Variants in AKAP7 observed in about 807,000 individuals in gnomAD.
AKAP7 encodes A kinase (PRKA) anchor protein 7.
Under a neutral mutation model 39.5 loss-of-function variants are expected in AKAP7, and 39 were observed. The ratio of observed to expected loss-of-function variants is 0.99; its 90% confidence interval spans 0.76 to 1.29. The LOEUF (loss-of-function observed/expected upper bound fraction) is 1.29. Among genes scored for constraint, AKAP7 ranks in the 50% most tolerant of loss-of-function variants. AKAP7 has a pLI of 0.00. For synonymous variants in AKAP7, 140 were observed against 139.1 expected (o/e 1.01, Z -0.05); for missense variants, 414 against 407.7 (o/e 1.02, Z -0.13).
intron 7 of AKAP7, among the ~76,000 whole-genome samples, chr6:131,267,675 C>A (rs1166694478): frequency 2.0e-5 from 3 of 152,184 alleles, no homozygotes; most frequent in African/African-American, 4.8e-5. Context: ...AACTCTCTCT[C>A]TTGTGGCATT....
chr6:131,174,857 G>A (rs1342232623), intron 5 of AKAP7, among the ~76,000 whole-genome samples: 3 of 151,658 alleles, frequency 2.0e-5, no homozygotes, highest in African/African-American at 7.3e-5. Flanking sequence ...AGGATAATTT[G>A]TAAAGAAAGT....
intron 5 of AKAP7, among the ~76,000 whole-genome samples, chr6:131,180,829 G>GT (rs869088113): frequency 7.3e-5 from 6 of 82,200 alleles, no homozygotes; most frequent in Non-Finnish European, 7.4e-5. Flanking sequence ...TTTTTTGTTT[G>GT]TTTTGTTTTT....
At chr6:131,162,237 A>G (rs2128239253) in intron 3 of AKAP7, among the ~76,000 whole-genome samples, 1 of 152,320 alleles carries the variant, frequency 6.6e-6, no homozygotes, top group Non-Finnish European at 1.5e-5. Context: ...TCCTTTCACC[A>G]CTAACTTCTA....
chr6:131,268,246 G>T (rs1377615092), intron 7 of AKAP7, among the ~76,000 whole-genome samples: 1 of 152,266 alleles, frequency 6.6e-6, no homozygotes, highest in South Asian at 2.1e-4. Flanking sequence ...ATATCTGCCT[G>T]GGGGTGGGTG....
rs138791897 is a variant in AKAP7, at chr6:131,259,483, G to A, written c.851-22047G>A. Among the ~76,000 whole-genome samples the A allele has an allele frequency of 4.8e-4, 73 of 152,276 alleles. 1 individual carries two copies. In the East Asian group the frequency reaches 6.2e-3, roughly 13 times the overall value. ...ATTTAGAGGGCTCTTTAATGTGGAA[G>A]CAAAAGAAGAGTTGTTTTGTATGGC... On this transcript the variant is annotated intron_variant, in intron 7 of 7. Coordinates refer to ENST00000431975, the MANE Select transcript of AKAP7 (RefSeq NM_016377.4).
At position 131,160,106 on chromosome 6, in the gene AKAP7, T is replaced by C. The variant is rs866761754; in HGVS notation, c.199T>C (p.Trp67Arg). The C allele has an allele frequency of 1.3e-6, 2 of 1,590,852 alleles. No homozygotes were observed. The highest frequency in any genetic ancestry group is 1.7e-4 in the Middle Eastern group (1 of 5,994). ...TTTGAAGAGAAGTCAAGAAAATGAA[T>C]GGGTCAAGAGTGATCAAGTAAAGAA... is the stretch of plus-strand genomic sequence containing the variant. ...INLKRSQENEWVKSDQVKKRK... is the reference protein window; with the variant it reads ...INLKRSQENERVKSDQVKKRK... The change falls in exon 3 of 8, where the codon TGG becomes CGG. Residue 67 changes from tryptophan (W) to arginine (R), a missense_variant. Physicochemically the swap from Trp to Arg is moderately radical, Grantham distance 101. Coordinates refer to ENST00000431975, the MANE Select transcript of AKAP7 (RefSeq NM_016377.4).
rs1346111671 is a variant in AKAP7, at chr6:131,282,400, C to G, written c.*674C>G. Reference sequence around the variant, plus strand: ...TATTATATAATTTTTTTTTCTTAGGCAAGAAACCTATTGGAATTCGAGACT... The same window carrying G: ...TATTATATAATTTTTTTTTCTTAGGGAAGAAACCTATTGGAATTCGAGACT... On this transcript the variant is annotated 3_prime_UTR_variant, in exon 8 of 8. Transcript: ENST00000431975. 6.8e-6 allele frequency: 10 copies of G among 1,469,220 alleles called. No homozygotes were observed. In the Admixed American group the frequency reaches 2.3e-4, roughly 33 times the overall value. The allele number at this position is 1,469,220 out of a possible 1,614,324, so 91.0% of individuals were successfully genotyped here.
chr6:131,232,578 C>G (rs1459748658), intron 7 of AKAP7, among the ~76,000 whole-genome samples: 1 of 152,118 alleles, frequency 6.6e-6, no homozygotes, highest in Admixed American at 6.6e-5. Flanking sequence ...GTAATCACAG[C>G]ACCTTGGGAG....
chr6:131,128,161 T>C, the AKAP7 span, among the ~76,000 whole-genome samples: 1 of 152,024 alleles, frequency 6.6e-6, no homozygotes, highest in Non-Finnish European at 1.5e-5. Flanking sequence ...CCCCTGAACC[T>C]AAAATAAAAG....
intron 7 of AKAP7, among the ~76,000 whole-genome samples, chr6:131,259,133 G>A (rs1328965534): frequency 6.6e-6 from 1 of 152,220 alleles, no homozygotes; most frequent in Non-Finnish European, 1.5e-5. Flanking sequence ...TCAGTTTGAT[G>A]TCTCATATCT....
intron 5 of AKAP7, among the ~76,000 whole-genome samples, chr6:131,188,717 CTT>C (rs201808987): frequency 1.2e-4 from 16 of 138,202 alleles, no homozygotes; most frequent in Admixed American, 1.5e-4. Context: ...TTTTGTACTT[CTT>C]TTTTTTTTTT....
chr6:131,171,983 G>C (rs201252168), intron 5 of AKAP7, among the ~76,000 whole-genome samples: 1 of 152,136 alleles, frequency 6.6e-6, no homozygotes, highest in Non-Finnish European at 1.5e-5. Context: ...AAATTAGGAG[G>C]TGTGATCAGA....
At chr6:131,245,420 T>G (rs1185663051) in intron 7 of AKAP7, among the ~76,000 whole-genome samples, 2 of 151,478 alleles carry the variant, frequency 1.3e-5, no homozygotes, top group Admixed American at 6.6e-5. Flanking sequence ...ACGTTTTTTT[T>G]TTTGTTTTTT....
At chr6:131,175,424 T>A (rs1804483030) in intron 5 of AKAP7, among the ~76,000 whole-genome samples, 1 of 152,258 alleles carries the variant, frequency 6.6e-6, no homozygotes, top group South Asian at 2.1e-4. Context: ...GTTAAAAAAA[T>A]AAATTCTTAA....
At chr6:131,194,769 C>A (rs1179582016) in intron 5 of AKAP7, among the ~76,000 whole-genome samples, 1 of 152,070 alleles carries the variant, frequency 6.6e-6, no homozygotes, top group African/African-American at 2.4e-5. Context: ...CTGAATTGAT[C>A]CCTAAATCAT....
intron 5 of AKAP7, among the ~76,000 whole-genome samples, chr6:131,178,040 A>C (rs1299290783): frequency 6.6e-6 from 1 of 152,160 alleles, no homozygotes; most frequent in Non-Finnish European, 1.5e-5. Context: ...TTGGTGGTTC[A>C]TGTTACCTGG....
At chr6:131,157,246 A>G (rs1423611654) in intron 2 of AKAP7, among the ~76,000 whole-genome samples, 1 of 152,216 alleles carries the variant, frequency 6.6e-6, no homozygotes. Context: ...GATCCTATGA[A>G]GTAGCTATTA....
chr6:131,172,269 C>T (rs10499182), intron 5 of AKAP7, among the ~76,000 whole-genome samples: 12,245 of 152,160 alleles, frequency 0.08, 601 homozygotes, highest in Middle Eastern at 0.15. Context: ...AGGAATAAAT[C>T]AACTAAAGGA....
intron 7 of AKAP7, among the ~76,000 whole-genome samples, chr6:131,256,047 G>A (rs551667868): frequency 6.6e-6 from 1 of 152,302 alleles, no homozygotes; most frequent in East Asian, 1.9e-4. Flanking sequence ...GAAGTGTGGG[G>A]GATTTCTCAG....
Sources: allele counts gnomAD v4.1 joint callset (sites outside exome capture counted in the v4.1 genomes callset), GRCh38; gene constraint gnomAD v4.1.1; transcripts MANE v1.5; gene names NCBI Gene and HGNC (gene_info 2026-07-23, HGNC 2026-07-21).